CAST: variants seen among roughly 807,000 people sequenced by gnomAD.
CAST encodes MIR583 host.
A neutral mutation model predicts 119.6 loss-of-function variants in CAST; 76 were observed. That is an observed-to-expected ratio of 0.64 (90% CI 0.53 to 0.77). The LOEUF (loss-of-function observed/expected upper bound fraction) is 0.77, where lower values mean the gene tolerates loss of function less well. Among genes scored for constraint, CAST ranks in the 30% least tolerant of loss-of-function variants. The pLI is 0.00. For missense variants in CAST, 953 were observed against 946.5 expected, an observed-to-expected ratio of 1.01 and a Z score of -0.09; for synonymous variants, 319 against 331.6, an observed-to-expected ratio of 0.96 and a Z score of 0.41.
intron 3 of CAST, among the ~76,000 whole-genome samples, chr5:96,720,194 A>G (rs1253013719): frequency 1.3e-5 from 2 of 152,232 alleles, no homozygotes. Context: ...AATCTTGGAC[A>G]TGAGATTCCA....
At chr5:96,453,301 T>C in the CAST span, among the ~76,000 whole-genome samples, 7 of 152,226 alleles carry the variant, frequency 4.6e-5, no homozygotes, top group Non-Finnish European at 1.5e-5. Flanking sequence ...GCAGAGTTAC[T>C]AATGTTATTT....
chr5:96,523,525 G>A (rs993975741), upstream of CAST, among the ~76,000 whole-genome samples: 2 of 152,184 alleles, frequency 1.3e-5, no homozygotes, highest in African/African-American at 4.8e-5. Context: ...TGCTTAGGAT[G>A]CCTTCCATGC....
the CAST span, among the ~76,000 whole-genome samples, chr5:96,314,551 G>A: frequency 6.6e-6 from 1 of 152,170 alleles, no homozygotes; most frequent in Admixed American, 6.5e-5. Flanking sequence ...CTTCATGACT[G>A]TTCATTTGTA....
the CAST span, among the ~76,000 whole-genome samples, chr5:96,328,516 A>T: frequency 6.6e-6 from 1 of 151,990 alleles, no homozygotes; most frequent in East Asian, 1.9e-4. Flanking sequence ...AGAGGAGCAG[A>T]AATCAAGGCA....
the CAST span, chr5:96,399,804 T>A: frequency 1.5e-6 from 1 of 678,368 alleles, no homozygotes; most frequent in South Asian, 1.7e-5. Context: ...TCTTAGTTAG[T>A]CCCCATGGAT....
chr5:96,304,836 T>A, the CAST span, among the ~76,000 whole-genome samples: 1 of 152,216 alleles, frequency 6.6e-6, no homozygotes, highest in Non-Finnish European at 1.5e-5. Context: ...AGTACCATGC[T>A]GTTTTGGTTA....
the CAST span, among the ~76,000 whole-genome samples, chr5:96,249,812 A>T: frequency 1.3e-5 from 2 of 152,190 alleles, no homozygotes; most frequent in Admixed American, 1.3e-4. Context: ...ATTTTAAGTA[A>T]ATGTCACTAC....
the CAST span, among the ~76,000 whole-genome samples, chr5:96,250,657 C>T: frequency 6.6e-6 from 1 of 151,912 alleles, no homozygotes; most frequent in Non-Finnish European, 1.5e-5. Context: ...TGAATAAAAG[C>T]AGGATTCTAC....
At chr5:96,287,518 T>C in the CAST span, among the ~76,000 whole-genome samples, 2 of 152,142 alleles carry the variant, frequency 1.3e-5, no homozygotes, top group South Asian at 4.1e-4. Context: ...AAGAAAATGG[T>C]TGGGAAAAAC....
At chr5:96,107,555 A>C in the CAST span, among the ~76,000 whole-genome samples, 1 of 151,328 alleles carries the variant, frequency 6.6e-6, no homozygotes, top group Admixed American at 6.6e-5. Flanking sequence ...ACTGGCCCCC[A>C]CTCTCTTCTG....
chr5:96,523,937 T>G (rs1745558044), upstream of CAST, among the ~76,000 whole-genome samples: 1 of 152,236 alleles, frequency 6.6e-6, no homozygotes. Flanking sequence ...GGAAATGTAG[T>G]GTCTATTACC....
At chr5:96,743,580 C>T in intron 16 of CAST, 3 of 1,592,202 alleles carry the variant, frequency 1.9e-6, no homozygotes, top group Non-Finnish European at 2.6e-6. Flanking sequence ...GGGAGTCTCC[C>T]TGACTTCCAG....
rs1414525961 is a variant in CAST, at chr5:96,575,366, C to CT, written c.60+45491dup. 5.3e-5 allele frequency among the ~76,000 whole-genome samples: 8 copies of CT among 152,142 alleles called. No homozygotes were observed. The East Asian group carries it at 7.7e-4, about 15-fold the overall frequency. ...CTCTGCAAACAGAAATAATTTTATT[C>CT]TTTTTCAATCTTTAGAATTTTATTT... On this transcript the variant is annotated intron_variant, in intron 1 of 11. Coordinates refer to the CAST transcript ENST00000505143.
At chr5:96,742,493 C>T (rs762628265) in intron 15 of CAST, 162 bp from the exon 16 acceptor site, 10 of 594,122 alleles carry the variant, frequency 1.7e-5, no homozygotes, top group Non-Finnish European at 3.0e-5. Flanking sequence ...GTTCTTTTTC[C>T]TTTCTCTCTT....
the CAST span, among the ~76,000 whole-genome samples, chr5:96,490,336 G>T: frequency 2.3e-5 from 3 of 129,876 alleles, 1 homozygote; most frequent in African/African-American, 8.9e-5. Context: ...GAGGGGTGTT[G>T]TGTGTATATG....
chr5:96,508,659 T>C, the CAST span, among the ~76,000 whole-genome samples: 1 of 152,206 alleles, frequency 6.6e-6, no homozygotes, highest in African/African-American at 2.4e-5. Context: ...AGGTTAGGCA[T>C]GGGGTTAGAG....
At chr5:96,080,357 T>C in the CAST span, among the ~76,000 whole-genome samples, 1 of 152,210 alleles carries the variant, frequency 6.6e-6, no homozygotes, top group South Asian at 2.1e-4. Context: ...ATAACTGTTT[T>C]TCTTCTTGAA....
At chr5:96,620,986 A>T (rs980247059) in intron 1 of CAST, among the ~76,000 whole-genome samples, 1 of 152,214 alleles carries the variant, frequency 6.6e-6, no homozygotes, top group Non-Finnish European at 1.5e-5. Flanking sequence ...TGTAAAAAGC[A>T]CAAGGCAAAG....
chr5:96,391,143 A>G, the CAST span: 2 of 152,246 alleles, frequency 1.3e-5, no homozygotes, highest in African/African-American at 2.4e-5. Context: ...TGAAACTTCC[A>G]AGGACAGAGT....
Sources: allele counts gnomAD v4.1 joint callset (sites outside exome capture counted in the v4.1 genomes callset), GRCh38; gene constraint gnomAD v4.1.1; transcripts MANE v1.5; gene names NCBI Gene and HGNC (gene_info 2026-07-23, HGNC 2026-07-21).